The following KCNU1 variants were observed in gnomAD, a reference collection of about 807,000 sequenced individuals.
KCNU1 encodes the protein potassium calcium-activated channel subfamily U member 1.
In KCNU1, 93 loss-of-function variants were observed where a neutral mutation model predicts 126.8. That is an observed-to-expected ratio of 0.73 (90% CI 0.62 to 0.87). The LOEUF (loss-of-function observed/expected upper bound fraction) is 0.87. Among genes scored for constraint, KCNU1 ranks in the 40% least tolerant of loss-of-function variants. The pLI is 0.00. For synonymous variants in KCNU1, 523 were observed against 494.2 expected (o/e 1.06, Z -0.77); for missense variants, 1,330 against 1,367.1 (o/e 0.97, Z 0.43).
At chr8:36,803,878 G>T in intron 2 of KCNU1, 149 bp from the exon 3 acceptor site, 5 of 657,218 alleles carry the variant, frequency 7.6e-6, no homozygotes, top group Non-Finnish European at 1.4e-5. Context: ...ATAAACAGAT[G>T]AATGAATGAA....
At chr8:36,789,420 T>C (rs1802825723) in intron 2 of KCNU1, among the ~76,000 whole-genome samples, 1 of 152,186 alleles carries the variant, frequency 6.6e-6, no homozygotes, top group Non-Finnish European at 1.5e-5. Flanking sequence ...AGATCCCAAG[T>C]ACAGTTTTAA....
chr8:36,814,899 C>T (rs1803851017), intron 8 of KCNU1, among the ~76,000 whole-genome samples: 1 of 152,176 alleles, frequency 6.6e-6, no homozygotes, highest in Non-Finnish European at 1.5e-5. Flanking sequence ...CTCCACTCCA[C>T]TTTTTTGATA....
chr8:36,817,140 G>T (rs1372563701), intron 9 of KCNU1, among the ~76,000 whole-genome samples: 1 of 152,142 alleles, frequency 6.6e-6, no homozygotes, highest in South Asian at 2.1e-4. Context: ...TGAGATAGAA[G>T]ACTGTGGATA....
chr8:36,814,179 G>T, intron 7 of KCNU1, 28 bp from the exon 8 acceptor site: 2 of 1,588,086 alleles, frequency 1.3e-6, no homozygotes, highest in African/African-American at 2.7e-5. Flanking sequence ...CTATTCAGAT[G>T]TTTCCTGAGT....
intron 2 of KCNU1, among the ~76,000 whole-genome samples, chr8:36,790,782 C>A (rs376999992): frequency 6.6e-6 from 1 of 152,030 alleles, no homozygotes; most frequent in Non-Finnish European, 1.5e-5. Context: ...ATAGATATCT[C>A]TAATGCTAAT....
At chr8:36,916,475 G>A (rs1489296495) in intron 22 of KCNU1, among the ~76,000 whole-genome samples, 1 of 151,910 alleles carries the variant, frequency 6.6e-6, no homozygotes, top group Non-Finnish European at 1.5e-5. Context: ...GAATAGAAGA[G>A]AAGGGAGAAG....
intron 2 of KCNU1, 55 bp downstream of exon 2, chr8:36,787,480 A>C (rs1802749887): frequency 6.5e-7 from 1 of 1,536,654 alleles, no homozygotes; most frequent in Non-Finnish European, 8.8e-7. Context: ...AGGTGTGATT[A>C]TAGTCAGCAC....
chr8:36,801,111 G>A (rs565084481), intron 2 of KCNU1, among the ~76,000 whole-genome samples: 9 of 152,292 alleles, frequency 5.9e-5, no homozygotes, highest in South Asian at 4.1e-4. Flanking sequence ...CAAGGGTTGC[G>A]CAATGAGTTT....
intron 22 of KCNU1, among the ~76,000 whole-genome samples, chr8:36,916,087 AGGAGGAGAAGAAG>A (rs1209050537): frequency 6.7e-6 from 1 of 148,786 alleles, no homozygotes; most frequent in Non-Finnish European, 1.5e-5. Context: ...AAAAAAGAAC[AGGAGGAGAAGAAG>A]GGAAGGAAGG....
intron 2 of KCNU1, among the ~76,000 whole-genome samples, chr8:36,790,892 T>C (rs555250010): frequency 1.3e-5 from 2 of 151,548 alleles, no homozygotes; most frequent in South Asian, 4.2e-4. Flanking sequence ...ACTTTTTATA[T>C]ACCCTACAAA....
chr8:36,834,204 C>T (rs767140295), intron 11 of KCNU1, among the ~76,000 whole-genome samples: 5 of 152,086 alleles, frequency 3.3e-5, no homozygotes, highest in Non-Finnish European at 7.4e-5. Context: ...TTCTCAGTCT[C>T]GGAGAATCAA....
chr8:36,838,206 T>G (rs1243728711), intron 14 of KCNU1, among the ~76,000 whole-genome samples: 1 of 152,218 alleles, frequency 6.6e-6, no homozygotes, highest in Non-Finnish European at 1.5e-5. Flanking sequence ...ATAAGGACAC[T>G]GTCATTGTGT....
At chr8:36,831,013 G>T (rs1417493727) in intron 10 of KCNU1, among the ~76,000 whole-genome samples, 2 of 149,364 alleles carry the variant, frequency 1.3e-5, no homozygotes, top group African/African-American at 4.9e-5. Context: ...GCAGTATTTG[G>T]TTTTTTGTTC....
At position 36,847,337 on chromosome 8, in the gene KCNU1, C is replaced by T. The variant is rs1382399449; in HGVS notation, c.1891+1438C>T. Reference sequence around the variant, plus strand: ...GGGTAATTAGCATATCCATCCATCACCTCAAACTTTTGTCATTTTTGTGTT... The same window carrying T: ...GGGTAATTAGCATATCCATCCATCATCTCAAACTTTTGTCATTTTTGTGTT... On this transcript the variant is annotated intron_variant, in intron 18 of 26. Coordinates refer to ENST00000399881, the MANE Select transcript of KCNU1 (RefSeq NM_001031836.3). 1.4e-4 allele frequency among the ~76,000 whole-genome samples: 21 copies of T among 152,218 alleles called. No individual in the cohort carries two copies. The East Asian group carries it at 4.1e-3, about 29-fold the overall frequency.
chr8:36,820,490 C>T (rs953610975), intron 10 of KCNU1, among the ~76,000 whole-genome samples: 1 of 151,640 alleles, frequency 6.6e-6, no homozygotes, highest in Non-Finnish European at 1.5e-5. Flanking sequence ...GTAACACTGT[C>T]ACCAGCAATA....
intron 19 of KCNU1, among the ~76,000 whole-genome samples, chr8:36,877,581 GC>G (rs2117385180): frequency 6.6e-6 from 1 of 152,146 alleles, no homozygotes; most frequent in African/African-American, 2.4e-5. Context: ...GGGATTACAG[GC>G]ATGAGCCACC....
chr8:36,830,972 T>C (rs1192343808), intron 10 of KCNU1, among the ~76,000 whole-genome samples: 2 of 141,186 alleles, frequency 1.4e-5, no homozygotes, highest in East Asian at 2.2e-4. Flanking sequence ...TGTGTTCTCA[T>C]TGTTCAATTC....
At chr8:36,917,634 G>A (rs192047617) in intron 22 of KCNU1, among the ~76,000 whole-genome samples, 5 of 152,044 alleles carry the variant, frequency 3.3e-5, no homozygotes, top group African/African-American at 1.2e-4. Flanking sequence ...GAGATTATAG[G>A]TGTGAGCCAC....
rs554602786 is a variant in KCNU1 at position 36,853,118 on chromosome 8, G to A, written c.1891+7219G>A. 2.0e-5 allele frequency among the ~76,000 whole-genome samples: 3 copies of A among 152,304 alleles called. No homozygotes were observed. The South Asian group carries it at 6.2e-4, about 32-fold the overall frequency. On this transcript the variant is annotated intron_variant, in intron 18 of 26. Transcript: ENST00000399881. The stretch of plus-strand genomic sequence containing the variant: ...TAATGCCAGCATTATGGGAGGCTGA[G>A]GTTGGCGTATCACCTGAGATCAGGA...
Sources: gnomAD v4.1 joint callset for allele counts (sites outside exome capture counted in the v4.1 genomes callset) on GRCh38, gnomAD v4.1.1 for gene constraint, MANE v1.5 for transcripts, NCBI Gene and HGNC (gene_info 2026-07-23, HGNC 2026-07-21) for gene names.